Variants in FGF14 observed in about 807,000 individuals in gnomAD.
FGF14 encodes the protein fibroblast growth factor 14.
Under a neutral mutation model 25.5 loss-of-function variants are expected in FGF14, and 5 were observed. The observed-to-expected ratio is 0.20, with a 90% CI of 0.10 to 0.41. The LOEUF (loss-of-function observed/expected upper bound fraction) is 0.41. Ranked by LOEUF, FGF14 falls within the 10% of genes least tolerant of loss-of-function variation. The pLI is 1.00. For missense variants in FGF14, 222 were observed against 320.1 expected, an observed-to-expected ratio of 0.69 and a Z score of 2.34; for synonymous variants, 138 against 118.3, an observed-to-expected ratio of 1.17 and a Z score of -1.08.
chr13:101,951,399 TA>T (rs1182268068), intron 1 of FGF14, among the ~76,000 whole-genome samples: 7 of 152,148 alleles, frequency 4.6e-5, no homozygotes, highest in African/African-American at 9.7e-5. Context: ...TTAATCCCTT[TA>T]TTTTTTTTCA....
intron 1 of FGF14, among the ~76,000 whole-genome samples, chr13:102,255,012 G>C (rs2141087989): frequency 6.6e-6 from 1 of 152,336 alleles, no homozygotes; most frequent in East Asian, 1.9e-4. Flanking sequence ...TGCTTTGGAA[G>C]AAAATGTTAA....
intron 3 of FGF14, among the ~76,000 whole-genome samples, chr13:101,842,875 A>G (rs990704215): frequency 6.6e-6 from 1 of 152,042 alleles, no homozygotes; most frequent in Non-Finnish European, 1.5e-5. Context: ...TTTATCCTCC[A>G]AGCTGGGACA....
intron 3 of FGF14, among the ~76,000 whole-genome samples, chr13:101,847,972 A>C (rs2043550790): frequency 6.6e-6 from 1 of 152,056 alleles, no homozygotes; most frequent in Non-Finnish European, 1.5e-5. Context: ...ACCAGTATTA[A>C]ATGTGGTAGG....
chr13:102,075,555 T>C (rs2043325311), intron 1 of FGF14, among the ~76,000 whole-genome samples: 1 of 152,216 alleles, frequency 6.6e-6, no homozygotes, highest in Non-Finnish European at 1.5e-5. Context: ...TAATAGTTGA[T>C]AATTATAAAA....
intron 1 of FGF14, among the ~76,000 whole-genome samples, chr13:102,342,721 G>A (rs901057503): frequency 3.3e-5 from 5 of 152,098 alleles, no homozygotes; most frequent in Admixed American, 3.3e-4. Flanking sequence ...GCTAAAAAAT[G>A]TTGATGTCAT....
chr13:101,842,061 G>A (rs181535592), intron 3 of FGF14, among the ~76,000 whole-genome samples: 11 of 152,054 alleles, frequency 7.2e-5, no homozygotes, highest in Admixed American at 5.9e-4. Context: ...CATGGTCACT[G>A]AGCTATAGAA....
rs140268452 is a variant in FGF14 at position 101,995,227 on chromosome 13, G to C, written c.209-119931C>G. ...TGTTGTTTTCCCTCTCTCTTTGAAAGAATTGTATTTGCATGCGTATGTTTT... is the reference window on the plus strand; with the variant it reads ...TGTTGTTTTCCCTCTCTCTTTGAAACAATTGTATTTGCATGCGTATGTTTT... On this transcript the variant is annotated intron_variant, in intron 1 of 4. Coordinates refer to the FGF14 transcript ENST00000376131. Among the ~76,000 whole-genome samples the C allele has an allele frequency of 7.1e-3, 1,080 of 152,150 alleles. 12 individuals carry two copies. The highest frequency in any genetic ancestry group is 0.024 in the African/African-American group (1,015 of 41,516).
chr13:102,247,333 G>C (rs544081525), intron 1 of FGF14, among the ~76,000 whole-genome samples: 1 of 151,918 alleles, frequency 6.6e-6, no homozygotes, highest in East Asian at 1.9e-4. Flanking sequence ...TGCAAATTAT[G>C]CATCTGAGGT....
intron 3 of FGF14, among the ~76,000 whole-genome samples, chr13:101,862,100 T>C (rs1427410392): frequency 1.3e-5 from 2 of 152,094 alleles, no homozygotes. Context: ...GGCTGAGCTT[T>C]AAGAGGGATG....
At chr13:102,106,083 T>A (rs2044895889) in intron 1 of FGF14, among the ~76,000 whole-genome samples, 2 of 152,094 alleles carry the variant, frequency 1.3e-5, no homozygotes, top group Non-Finnish European at 2.9e-5. Flanking sequence ...AGAAAGGAGA[T>A]CTAAGATGGT....
chr13:101,810,221 A>G (rs1594329157), intron 3 of FGF14, among the ~76,000 whole-genome samples: 1 of 152,184 alleles, frequency 6.6e-6, no homozygotes, highest in East Asian at 1.9e-4. Flanking sequence ...AGCAAGTTTT[A>G]GCCCTGCAGT....
intron 1 of FGF14, among the ~76,000 whole-genome samples, chr13:101,926,428 T>C (rs996678963): frequency 2.0e-5 from 3 of 152,224 alleles, no homozygotes; most frequent in Admixed American, 2.0e-4. Context: ...TTACCTGTTA[T>C]CATTTGCTGG....
At chr13:101,949,832 T>G (rs938154685) in intron 1 of FGF14, among the ~76,000 whole-genome samples, 7 of 152,192 alleles carry the variant, frequency 4.6e-5, no homozygotes, top group Non-Finnish European at 7.3e-5. Context: ...ACACAGCTGC[T>G]CTAAGCCAAC....
intron 1 of FGF14, among the ~76,000 whole-genome samples, chr13:101,961,037 AT>A (rs903517055): frequency 8.0e-5 from 12 of 150,930 alleles, no homozygotes; most frequent in Middle Eastern, 3.4e-3. Flanking sequence ...TTTTAATGGG[AT>A]TTTTTTGTAG....
At chr13:102,229,241 C>G (rs1290810803) in intron 1 of FGF14, among the ~76,000 whole-genome samples, 1 of 152,140 alleles carries the variant, frequency 6.6e-6, no homozygotes, top group Non-Finnish European at 1.5e-5. Flanking sequence ...CTCTGTTGTC[C>G]TAATTTCATT....
At chr13:101,911,650 T>C (rs1253283247) in intron 1 of FGF14, among the ~76,000 whole-genome samples, 1 of 152,130 alleles carries the variant, frequency 6.6e-6, no homozygotes, top group Non-Finnish European at 1.5e-5. Flanking sequence ...TCTCATAAGA[T>C]TCCCTGCTTA....
chr13:102,008,212 A>T (rs2039904594), intron 1 of FGF14, among the ~76,000 whole-genome samples: 1 of 152,252 alleles, frequency 6.6e-6, no homozygotes. Context: ...ATGGGCTGCT[A>T]GAGACTGGCA....
At chr13:102,149,297 T>G (rs1566746280) in intron 1 of FGF14, among the ~76,000 whole-genome samples, 1 of 152,116 alleles carries the variant, frequency 6.6e-6, no homozygotes, top group Non-Finnish European at 1.5e-5. Context: ...AAACACTAGG[T>G]TCTTTGACTG....
intron 1 of FGF14, among the ~76,000 whole-genome samples, chr13:102,115,279 C>T (rs1159143982): frequency 6.6e-6 from 1 of 152,150 alleles, no homozygotes; most frequent in Non-Finnish European, 1.5e-5. Flanking sequence ...CCCCGCTTGT[C>T]CCCACCCTCT....
Sources: allele counts gnomAD v4.1 joint callset (sites outside exome capture counted in the v4.1 genomes callset), GRCh38; gene constraint gnomAD v4.1.1; transcripts MANE v1.5; gene names NCBI Gene and HGNC (gene_info 2026-07-23, HGNC 2026-07-21).